DCP2: variants seen among roughly 807,000 people sequenced by gnomAD.
DCP2 encodes the protein m7GpppN-mRNA hydrolase.
Under a neutral mutation model 56.1 loss-of-function variants are expected in DCP2, and 30 were observed. The observed-to-expected ratio is 0.53, with a 90% CI of 0.40 to 0.73. The LOEUF is 0.73. DCP2 is among the 30% of genes least tolerant of loss of function. The pLI is 0.00. For missense variants in DCP2, 533 were observed against 502.7 expected, an observed-to-expected ratio of 1.06 and a Z score of -0.58; for synonymous variants, 197 against 163.3, an observed-to-expected ratio of 1.21 and a Z score of -1.57.
In DCP2 at chr5:113,019,624, C is replaced by G. The variant is rs1750024903; in HGVS notation, c.*6140C>G. On this transcript the variant is annotated 3_prime_UTR_variant, in exon 11 of 11. Transcript: ENST00000389063. ...ATTTTACAAATATTAGAAACTTTTT[C>G]TTCAGTAACAAAAACAGGGAAGGAC... 1 of 152,114 alleles carries G rather than the reference C, an allele frequency of 6.6e-6. No individual in the cohort carries two copies. Among genetic ancestry groups the G allele is most frequent in the South Asian group, 2.1e-4 (1 of 4,832 alleles). 9.4% of individuals were successfully genotyped at this position (152,114 alleles called of 1,614,324 possible).
intron 8 of DCP2, among the ~76,000 whole-genome samples, chr5:113,005,488 A>G (rs1206585116): frequency 6.6e-6 from 1 of 152,130 alleles, no homozygotes; most frequent in Non-Finnish European, 1.5e-5. Context: ...TATAATAAAA[A>G]ACAAAAAAAC....
At chr5:112,979,174 C>A (rs1270881968) in intron 1 of DCP2, among the ~76,000 whole-genome samples, 1 of 151,936 alleles carries the variant, frequency 6.6e-6, no homozygotes, top group Non-Finnish European at 1.5e-5. Flanking sequence ...ACATTTTTTT[C>A]CTTTCAAGAA....
chr5:113,005,943 G>A lies in DCP2; in HGVS notation c.942+1866G>A, dbSNP rs939251181. Among the ~76,000 whole-genome samples, 7 of 152,064 alleles carry A rather than the reference G, an allele frequency of 4.6e-5. No individual in the cohort carries two copies. In the East Asian group the frequency reaches 1.2e-3, roughly 25 times the overall value. On this transcript the variant is annotated intron_variant, in intron 8 of 10. Coordinates refer to ENST00000389063, the MANE Select transcript of DCP2 (RefSeq NM_152624.6). The stretch of plus-strand genomic sequence containing the variant: ...AGCCCAGTAGTTCGAGACCCACCTG[G>A]GCAGCATGTCTCTACTACTAAAAAT...
In DCP2 at chr5:113,017,760, T is replaced by C. The variant is rs1471523099; in HGVS notation, c.*4276T>C. 2 of 152,188 alleles carry C rather than the reference T, an allele frequency of 1.3e-5. No individual in the cohort carries two copies. The highest frequency in any genetic ancestry group is 4.8e-5 in the African/African-American group (2 of 41,440). 9.4% of individuals were successfully genotyped at this position (152,188 alleles called of 1,614,324 possible). A position where few individuals can be genotyped will look rare whatever the true frequency, so the allele number is the denominator to read the frequency against. ...CATTTATCAATACTTGAGTGCTTTATTATGTTCCAGGCTAGAAATGTGATC... is the reference window on the plus strand; with the variant it reads ...CATTTATCAATACTTGAGTGCTTTACTATGTTCCAGGCTAGAAATGTGATC... On this transcript the variant is annotated 3_prime_UTR_variant, in exon 11 of 11. Transcript: ENST00000389063.
chr5:113,000,567 A>G (rs1196335265), intron 4 of DCP2, among the ~76,000 whole-genome samples: 2 of 152,232 alleles, frequency 1.3e-5, no homozygotes, highest in African/African-American at 2.4e-5. Context: ...AGATTAATTT[A>G]TTAATCAAAA....
chr5:113,005,304 C>G (rs1202647920), intron 8 of DCP2, among the ~76,000 whole-genome samples: 1 of 152,074 alleles, frequency 6.6e-6, no homozygotes, highest in East Asian at 1.9e-4. Flanking sequence ...GTAAAGAATT[C>G]TTAGAACTCA....
Position 113,013,341 on chromosome 5 carries a change from A to C in DCP2, c.1120A>C (p.Ser374Arg). The C allele has an allele frequency of 6.2e-7, 1 of 1,614,044 alleles. No homozygotes were observed. Among genetic ancestry groups the C allele is most frequent in the South Asian group, 1.1e-5 (1 of 91,052 alleles). The change falls in exon 11 of 11, where the codon AGC becomes CGC. Residue 374 changes from serine (S) to arginine (R), a missense_variant. This residue lies in a region of DCP2 where 392 missense variants were observed against 346.6 expected (regional missense o/e 1.13). Coordinates refer to ENST00000389063, the MANE Select transcript of DCP2 (RefSeq NM_152624.6). Reference protein sequence around the residue: ...FETDAVYDLPSSSEDQLLEHA... With the variant: ...FETDAVYDLPRSSEDQLLEHA... Reference sequence around the variant, plus strand: ...AACAGATGCTGTATATGACTTGCCTAGCTCCAGTGAAGACCAGTTGCTAGA... The same window carrying C: ...AACAGATGCTGTATATGACTTGCCTCGCTCCAGTGAAGACCAGTTGCTAGA...
At chr5:112,991,020 A>G (rs1216864252) in intron 2 of DCP2, among the ~76,000 whole-genome samples, 1 of 152,094 alleles carries the variant, frequency 6.6e-6, no homozygotes, top group East Asian at 1.9e-4. Flanking sequence ...TCCTTTCTAT[A>G]TTATGTCGTA....
intron 10 of DCP2, among the ~76,000 whole-genome samples, chr5:113,012,216 C>T (rs1447966791): frequency 3.3e-5 from 5 of 152,084 alleles, no homozygotes; most frequent in Non-Finnish European, 5.9e-5. Context: ...AAAAATGAGC[C>T]AGCTGTGGTG....
intron 2 of DCP2, among the ~76,000 whole-genome samples, chr5:112,991,603 TCTC>T (rs1287755563): frequency 1.3e-5 from 2 of 152,220 alleles, no homozygotes; most frequent in Admixed American, 1.3e-4. Flanking sequence ...CATTCATACT[TCTC>T]CTTCCCAGAA....
In DCP2 at chr5:113,010,736, T is replaced by TG. The variant is rs767401950; in HGVS notation, c.1048-20_1048-19insG. 3.6e-4 allele frequency: 198 copies of TG among 549,670 alleles called. No individual in the cohort carries two copies. Among genetic ancestry groups the TG allele is most frequent in the South Asian group, 1.5e-3 (44 of 29,498 alleles). The allele number at this position is 549,670 out of a possible 1,614,324, so 34.0% of individuals were successfully genotyped here. On this transcript the variant is annotated intron_variant, in intron 9 of 10. Transcript: ENST00000389063. ...TGTGTTGTATGTGTGTGTGTGTGTG[T>TG]TTTTTTTTTTTTTAAATAGAAGTGT...
In DCP2 at chr5:112,992,136, C is replaced by T. The variant is rs139105675; in HGVS notation, c.221C>T (p.Pro74Leu). ...DFAKAVFSHC[P>L]FLLPQGEDVE... ...CTATTTATACTCTTCAGTCATTGTC[C>T]GTTTTTGCTGCCTCAAGGTGAAGAT... The change falls in exon 3 of 11, where the codon CCG (proline) becomes CTG (leucine). Residue 74 changes from proline to leucine, a missense_variant. This residue lies in a region of DCP2 where 137 missense variants were observed against 138.2 expected (regional missense o/e 0.99). Transcript: ENST00000389063. The T allele has an allele frequency of 1.5e-5, 24 of 1,613,480 alleles. No homozygotes were observed. The highest frequency in any genetic ancestry group is 4.5e-5 in the East Asian group (2 of 44,838).
intron 8 of DCP2, among the ~76,000 whole-genome samples, chr5:113,005,605 A>G (rs887743678): frequency 2.6e-5 from 4 of 152,242 alleles, no homozygotes; most frequent in African/African-American, 9.6e-5. Context: ...GCAATTTCTC[A>G]AACAGTTAAA....
In DCP2 at chr5:113,014,314, A is replaced by G. The variant is rs987116204; in HGVS notation, c.*830A>G. ...TTGTTCTTGTGGAAATTTCTTCTGT[A>G]TTCCAGTTGTGTAAATATGTATGGA... On this transcript the variant is annotated 3_prime_UTR_variant, in exon 11 of 11. Transcript: ENST00000389063. The G allele has an allele frequency of 6.6e-6, 1 of 152,166 alleles. No homozygotes were observed. The highest frequency in any genetic ancestry group is 2.4e-5 in the African/African-American group (1 of 41,430). 9.4% of individuals were successfully genotyped at this position (152,166 alleles called of 1,614,324 possible). A position where few individuals can be genotyped will look rare whatever the true frequency, so the allele number is the denominator to read the frequency against.
chr5:113,003,815 T>C (rs1320721909), intron 7 of DCP2, 127 bp from the exon 8 acceptor site: 1 of 1,085,270 alleles, frequency 9.2e-7, no homozygotes. Context: ...TCATAGAACT[T>C]ACATTCCAGT....
chr5:113,005,683 T>TA (rs1031428235), intron 8 of DCP2, among the ~76,000 whole-genome samples: 3 of 152,208 alleles, frequency 2.0e-5, no homozygotes, highest in African/African-American at 7.2e-5. Flanking sequence ...AGCAGGAACT[T>TA]AAACAGATAA....
chr5:112,990,252 C>G (rs1290670490), intron 2 of DCP2, among the ~76,000 whole-genome samples: 2 of 152,122 alleles, frequency 1.3e-5, no homozygotes, highest in African/African-American at 4.8e-5. Context: ...GAGTTAGCAT[C>G]CTTTCTCTGC....
At chr5:112,990,261 G>A (rs1461984294) in intron 2 of DCP2, among the ~76,000 whole-genome samples, 1 of 152,110 alleles carries the variant, frequency 6.6e-6, no homozygotes, top group Non-Finnish European at 1.5e-5. Context: ...TCCTTTCTCT[G>A]CCACTTACTA....
rs963592800 is a variant in DCP2 at position 113,020,788 on chromosome 5, T to C, written c.*7304T>C. 6.6e-6 allele frequency: 1 copy of C among 152,228 alleles called. No homozygotes were observed. Among genetic ancestry groups the C allele is most frequent in the Non-Finnish European group, 1.5e-5 (1 of 68,044 alleles). The allele number at this position is 152,228 out of a possible 1,614,324, so 9.4% of individuals were successfully genotyped here. A position where few individuals can be genotyped will look rare whatever the true frequency, so the allele number is the denominator to read the frequency against. Reference sequence around the variant, plus strand: ...GTCTTAACAGTTATGCTCTAACTTTTTGAAAGCTTTTTGATGTAAATAATA... The same window carrying C: ...GTCTTAACAGTTATGCTCTAACTTTCTGAAAGCTTTTTGATGTAAATAATA... On this transcript the variant is annotated 3_prime_UTR_variant, in exon 11 of 11. Coordinates refer to ENST00000389063, the MANE Select transcript of DCP2 (RefSeq NM_152624.6).
Sources: gnomAD v4.1 joint callset for allele counts (sites outside exome capture counted in the v4.1 genomes callset) on GRCh38, gnomAD v4.1.1 for gene constraint, gnomAD v4.1.1 regional missense constraint, MANE v1.5 for transcripts, NCBI Gene and HGNC (gene_info 2026-07-23, HGNC 2026-07-21) for gene names.